Variants in NPVF observed in about 807,000 individuals in gnomAD.
NPVF encodes the protein pro-FMRFamide-related neuropeptide VF.
NPVF carries 17 observed loss-of-function variants against 15.7 expected under a neutral mutation model. That is an observed-to-expected ratio of 1.08 (90% CI 0.74 to 1.62). The LOEUF is 1.62. Ranked by LOEUF, NPVF falls within the 40% of genes most tolerant of loss-of-function variation. The pLI, the probability that NPVF is intolerant of heterozygous loss-of-function variation, is 0.00. For synonymous variants in NPVF, 70 were observed against 80.1 expected (o/e 0.87, Z 0.67); for missense variants, 270 against 225.2 (o/e 1.20, Z -1.27).
rs200775857 is a variant in NPVF at position 25,225,187 on chromosome 7, A to G, written c.540-14T>C. The G allele has an allele frequency of 2.1e-4, 332 of 1,609,154 alleles. 2 individuals carry two copies. Among genetic ancestry groups the G allele is most frequent in the Non-Finnish European group, 5.5e-5 (65 of 1,176,484 alleles). On this transcript the variant is annotated splice_polypyrimidine_tract_variant and intron_variant, in intron 2 of 2. Transcript: ENST00000222674. ...AATAGCAGTCTCCTAAAATGTAAGCAGTATAAAATGTTGTCACCCATCAGA... is the reference window on the plus strand; with the variant it reads ...AATAGCAGTCTCCTAAAATGTAAGCGGTATAAAATGTTGTCACCCATCAGA...
chr7:25,228,288 T>C lies in NPVF; in HGVS notation c.138+14A>G. The C allele has an allele frequency of 7.0e-7, 1 of 1,419,366 alleles. No homozygotes were observed. The highest frequency in any genetic ancestry group is 9.9e-7 in the Non-Finnish European group (1 of 1,008,834). 87.9% of individuals were successfully genotyped at this position (1,419,366 alleles called of 1,614,324 possible). The stretch of plus-strand genomic sequence containing the variant: ...ATTAATGCTACTCACATTAGAGAGA[T>C]TTAAAAAACTTACCTCAGAATATTT... On this transcript the variant is annotated intron_variant, in intron 1 of 2. Transcript: ENST00000222674.
intron 2 of NPVF, among the ~76,000 whole-genome samples, chr7:25,226,178 A>G (rs1183238804): frequency 1.3e-5 from 2 of 152,236 alleles, no homozygotes; most frequent in African/African-American, 4.8e-5. Context: ...AGAGTTTATA[A>G]GATGAGATCC....
In NPVF at chr7:25,224,915, G is replaced by A. The variant is rs1783106200; in HGVS notation, c.*207C>T. The A allele has an allele frequency of 2.0e-6, 1 of 505,218 alleles. No individual in the cohort carries two copies. Among genetic ancestry groups the A allele is most frequent in the Non-Finnish European group, 3.5e-6 (1 of 288,734 alleles). The allele number at this position is 505,218 out of a possible 1,614,324, so 31.3% of individuals were successfully genotyped here. On this transcript the variant is annotated 3_prime_UTR_variant, in exon 3 of 3. Coordinates refer to ENST00000222674, the MANE Select transcript of NPVF (RefSeq NM_022150.3). ...ATTTGCAATGCTTTTTTTTTATTCA[G>A]ACAAAAATCATTTTAACTTTACGTA...
chr7:25,226,204 C>T (rs929392058), intron 2 of NPVF, among the ~76,000 whole-genome samples: 1 of 152,046 alleles, frequency 6.6e-6, no homozygotes, highest in Admixed American at 6.6e-5. Context: ...AAAGAAAACA[C>T]TTTGATTAAA....
In NPVF at chr7:25,226,910, G is replaced by T. The variant is rs115225161; in HGVS notation, c.255C>A (p.Phe85Leu). 6.2e-7 allele frequency: 1 copy of T among 1,614,066 alleles called. No homozygotes were observed. Among genetic ancestry groups the T allele is most frequent in the South Asian group, 1.1e-5 (1 of 91,074 alleles). ...TCCCAAATCTCAATGGCAAGTTGGC[G>T]AAGGAGTGTGGCATTTTATTGACTG... ...TPAVNKMPHSFANLPLRFGRN... is the reference protein window; with the variant it reads ...TPAVNKMPHSLANLPLRFGRN... Residue 85 changes from phenylalanine (F) to leucine (L), a missense_variant, in exon 2 of 3, where the codon TTC (phenylalanine) becomes TTA (leucine). Physicochemically the swap from Phe to Leu is conservative, Grantham distance 22 (BLOSUM62 0). Transcript: ENST00000222674.
At chr7:25,225,229 G>A in intron 2 of NPVF, 56 bp from the exon 3 acceptor site, 1 of 1,355,528 alleles carries the variant, frequency 7.4e-7, no homozygotes, top group Non-Finnish European at 1.0e-6. Context: ...GCATGCAAGT[G>A]TGTATACAAA....
intron 1 of NPVF, among the ~76,000 whole-genome samples, 167 bp downstream of exon 1, chr7:25,228,135 G>A (rs877833): frequency 0.11 from 16,000 of 152,072 alleles, 1,010 homozygotes; most frequent in African/African-American, 0.18. Flanking sequence ...GATTGCTGTC[G>A]TGCTAAATAA....
At position 25,226,720 on chromosome 7, in the gene NPVF, G is replaced by C; in HGVS notation, c.445C>G (p.Gln149Glu). The change falls in exon 2 of 3, where the codon CAA (glutamine) becomes GAA (glutamate). Residue 149 changes from glutamine (Q) to glutamate (E), a missense_variant. Physicochemically the swap from Gln to Glu is conservative, Grantham distance 29. Transcript: ENST00000222674. ...GCACATGGTGAATGCATGGATCCTT[G>C]ACACAAATCACTCAGCATCCTGCAG... ...SVCRMLSDLC[Q>E]GSMHSPCAND... 1.2e-6 allele frequency: 2 copies of C among 1,614,174 alleles called. No homozygotes were observed. Among genetic ancestry groups the C allele is most frequent in the Admixed American group, 1.7e-5 (1 of 60,022 alleles).
At chr7:25,226,482 A>G in intron 2 of NPVF, 144 bp downstream of exon 2, 3 of 915,418 alleles carry the variant, frequency 3.3e-6, no homozygotes, top group Non-Finnish European at 5.0e-6. Flanking sequence ...ACAGGTATTT[A>G]GTTCCTTGTG....
At chr7:25,227,352 T>C (rs909581844) in intron 1 of NPVF, among the ~76,000 whole-genome samples, 9 of 152,118 alleles carry the variant, frequency 5.9e-5, no homozygotes, top group African/African-American at 1.9e-4. Flanking sequence ...TCTCTTTTGG[T>C]TTTTTTGATT....
rs1362675699 is a variant in NPVF, at chr7:25,228,338, A to T, written c.102T>A (p.Asn34Lys). The T allele has an allele frequency of 6.5e-7, 1 of 1,533,380 alleles. No individual in the cohort carries two copies. The highest frequency in any genetic ancestry group is 2.3e-5 in the East Asian group (1 of 44,042). The allele number at this position is 1,533,380 out of a possible 1,614,324, so 95.0% of individuals were successfully genotyped here. ...TGTCATAATTTTCTTTGCTGTGAAG[A>T]TTGGACATCACTAATTCATCTGCAC... ...IFCADELVMS[N>K]LHSKENYDKY... The change falls in exon 1 of 3, where the codon AAT becomes AAA. Residue 34 changes from asparagine to lysine, a missense_variant. Asn to Lys is a moderately conservative substitution (Grantham distance 94). Transcript: ENST00000222674.
chr7:25,225,542 G>T (rs961877096), intron 2 of NPVF, among the ~76,000 whole-genome samples: 7 of 152,154 alleles, frequency 4.6e-5, no homozygotes, highest in East Asian at 3.9e-4. Flanking sequence ...TTACTCTAAC[G>T]GTCTAGACTT....
rs1783132608 is a variant in NPVF at position 25,226,636 on chromosome 7, T to G, written c.529A>C (p.Lys177Gln). 6.2e-7 allele frequency: 1 copy of G among 1,613,458 alleles called. No homozygotes were observed. Among genetic ancestry groups the G allele is most frequent in the East Asian group, 2.2e-5 (1 of 44,872 alleles). The part of the protein sequence containing the change: ...QHQEIQNPDQ[K>Q]QSRRLLFKKI... ...TTTCCAGGTATTTACCTTGACTGTT[T>G]TTGATCGGGATTCTGGATTTCTTGG... The change falls in exon 2 of 3, where the codon AAA becomes CAA. Residue 177 changes from lysine to glutamine, a missense_variant. Transcript: ENST00000222674.
intron 1 of NPVF, among the ~76,000 whole-genome samples, chr7:25,227,913 T>C (rs1583441413): frequency 6.6e-6 from 1 of 152,362 alleles, no homozygotes; most frequent in East Asian, 1.9e-4. Flanking sequence ...TTGGCCAGTT[T>C]GTAATTGCTA....
In NPVF at chr7:25,226,805, G is replaced by A. The variant is rs761914073; in HGVS notation, c.360C>T (p.Leu120=). The stretch of plus-strand genomic sequence containing the variant: ...GGGGCAGGTTAGGAACACGTCTCAC[G>A]AGGCTCACCTCCATATTTCTTCCAG... The part of the protein sequence containing the change: ...LRSGRNMEVS[L]VRRVPNLPQR... The change falls in exon 2 of 3, where the codon CTC becomes CTT. Residue 120 remains leucine, a synonymous_variant. Coordinates refer to ENST00000222674, the MANE Select transcript of NPVF (RefSeq NM_022150.3). 19 of 1,613,958 alleles carry A rather than the reference G, an allele frequency of 1.2e-5. No homozygotes were observed. The highest frequency in any genetic ancestry group is 1.4e-5 in the Non-Finnish European group (16 of 1,179,972).
rs1562548821 is a variant in NPVF at position 25,225,036 on chromosome 7, G to T, written c.*86C>A. ...GTTGATGATCCATAGCTGATGAAGT[G>T]TATGTAGCTACTCTTCCGTGTGGTC... On this transcript the variant is annotated 3_prime_UTR_variant, in exon 3 of 3. Transcript: ENST00000222674. 1 of 1,095,718 alleles carries T rather than the reference G, an allele frequency of 9.1e-7. No homozygotes were observed. The highest frequency in any genetic ancestry group is 1.4e-6 in the Non-Finnish European group (1 of 727,184). The allele number at this position is 1,095,718 out of a possible 1,614,324, so 67.9% of individuals were successfully genotyped here.
chr7:25,224,857 G>A lies in NPVF; in HGVS notation c.*265C>T. On this transcript the variant is annotated 3_prime_UTR_variant, in exon 3 of 3. Transcript: ENST00000222674. ...TATAGGGTAGTGAGGAGGGTCCTCT[G>A]TCTCTCTCTCCATTATCAGAGATTT... 1 of 430,262 alleles carries A rather than the reference G, an allele frequency of 2.3e-6. No homozygotes were observed. The highest frequency in any genetic ancestry group is 4.1e-6 in the Non-Finnish European group (1 of 245,924). The allele number at this position is 430,262 out of a possible 1,614,324, so 26.7% of individuals were successfully genotyped here. A position where few individuals can be genotyped will look rare whatever the true frequency, so the allele number is the denominator to read the frequency against.
chr7:25,227,227 T>C (rs1783142018), intron 1 of NPVF, among the ~76,000 whole-genome samples: 1 of 152,184 alleles, frequency 6.6e-6, no homozygotes, highest in African/African-American at 2.4e-5. Context: ...TAGACTATTG[T>C]AAGACAACCA....
Position 25,226,995 on chromosome 7 carries a change from AG to A in NPVF, c.169del (p.Leu57SerfsTer6). ...CCAATCTTTTAATTCCTCAAAATTG[AG>A]GCTTCTTTCCCCTTTTGGGTATCCT... is the stretch of plus-strand genomic sequence containing the variant. ...PRGYPKGERS[L>X]NFEELKDWGP... On this transcript the variant is annotated frameshift_variant, in exon 2 of 3. Coordinates refer to ENST00000222674, the MANE Select transcript of NPVF (RefSeq NM_022150.3). LOFTEE classifies it high-confidence loss of function. The A allele has an allele frequency of 6.2e-7, 1 of 1,613,634 alleles. No individual in the cohort carries two copies. Among genetic ancestry groups the A allele is most frequent in the South Asian group, 1.1e-5 (1 of 91,014 alleles).
Sources: allele counts gnomAD v4.1 joint callset (sites outside exome capture counted in the v4.1 genomes callset), GRCh38; gene constraint gnomAD v4.1.1; transcripts MANE v1.5; gene names NCBI Gene and HGNC (gene_info 2026-07-23, HGNC 2026-07-21).